The following FARP2 variants were observed in gnomAD, a reference collection of about 807,000 sequenced individuals.
FARP2 encodes FERM, ARH/RhoGEF and pleckstrin domain protein 2.
A neutral mutation model predicts 130.5 loss-of-function variants in FARP2; 111 were observed. The observed-to-expected ratio is 0.85, with a 90% confidence interval of 0.73 to 1.00. The LOEUF (loss-of-function observed/expected upper bound fraction) is 1.00. FARP2 is among the 50% of genes least tolerant of loss of function. The pLI is 0.00. For missense variants in FARP2, 1,385 were observed against 1,346.3 expected (o/e 1.03, Z -0.45); for synonymous variants, 504 against 516.9 (o/e 0.98, Z 0.34).
At chr2:241,464,328 C>A (rs1459819837) in intron 17 of FARP2, among the ~76,000 whole-genome samples, 1 of 151,410 alleles carries the variant, frequency 6.6e-6, no homozygotes, top group East Asian at 1.9e-4. Flanking sequence ...AGAGCAGGGT[C>A]CCCCCAGAGC....
intron 13 of FARP2, chr2:241,443,352 G>A (rs1180969927): frequency 6.6e-6 from 1 of 151,592 alleles, no homozygotes; most frequent in East Asian, 1.9e-4. Context: ...AGAGGCGTTG[G>A]TTTAAAATGC....
At chr2:241,489,383 A>T (rs562053715) in intron 21 of FARP2, 1 of 152,502 alleles carries the variant, frequency 6.6e-6, no homozygotes, top group South Asian at 2.1e-4. Flanking sequence ...CATTTTCAGC[A>T]TGTAGAGAAT....
chr2:241,465,443 A>G (rs1013574861), intron 17 of FARP2: 4 of 1,547,866 alleles, frequency 2.6e-6, no homozygotes, highest in Non-Finnish European at 3.5e-6. Flanking sequence ...TGCTAGGCTC[A>G]TAGGTTTTTC....
rs1192254249 is a variant in FARP2, at chr2:241,385,719, C to CAA, written c.183+12437_183+12438dup. On this transcript the variant is annotated intron_variant, in intron 2 of 26. Transcript: ENST00000264042. ...TGGGTGACAGAGCCAGACCTTGTCTCAAAAAAAAAGAGAAAAAAAAATTTT... is the reference window on the plus strand; with the variant it reads ...TGGGTGACAGAGCCAGACCTTGTCTCAAAAAAAAAAAGAGAAAAAAAAATTTT... Among the ~76,000 whole-genome samples, 3 of 148,990 alleles carry CAA rather than the reference C, an allele frequency of 2.0e-5. No homozygotes were observed. In the East Asian group the frequency reaches 5.9e-4, roughly 29 times the overall value.
At chr2:241,437,674 T>TTTATTTATTTATTTA (rs1373609619) in intron 12 of FARP2, among the ~76,000 whole-genome samples, 9 of 136,246 alleles carry the variant, frequency 6.6e-5, no homozygotes, top group South Asian at 2.5e-4. Flanking sequence ...TTATTTATTT[T>TTTATTTATTTATTTA]TTTTTTTTGA....
At chr2:241,470,192 G>C (rs569419976) in intron 18 of FARP2, among the ~76,000 whole-genome samples, 2 of 152,370 alleles carry the variant, frequency 1.3e-5, no homozygotes, top group Non-Finnish European at 2.9e-5. Context: ...GGACAAAAGG[G>C]AGTACATTTG....
intron 2 of FARP2, 43 bp downstream of exon 2, chr2:241,373,333 T>C: frequency 7.8e-7 from 1 of 1,280,844 alleles, no homozygotes; most frequent in Non-Finnish European, 1.0e-6. Context: ...TTATATCTTC[T>C]AACAGTCAAA....
chr2:241,476,137 C>A, intron 19 of FARP2, 150 bp downstream of exon 19: 3 of 607,470 alleles, frequency 4.9e-6, no homozygotes, highest in Non-Finnish European at 5.4e-6. Flanking sequence ...CTTTGGGAGG[C>A]TGAGGTGGGA....
rs374908420 is a variant in FARP2 at position 241,377,943 on chromosome 2, A to G, written c.183+4653A>G. Among the ~76,000 whole-genome samples the G allele has an allele frequency of 3.3e-4, 51 of 152,310 alleles. 1 individual carries two copies. The East Asian group carries it at 9.1e-3, about 27-fold the overall frequency. ...AAGGAACTGCCAGACTGTTTTCCAA[A>G]GTAGCTGTGCCATTTTGCATTCCTG... On this transcript the variant is annotated intron_variant, in intron 2 of 26. Transcript: ENST00000264042.
chr2:241,485,638 C>A (rs111209974), intron 21 of FARP2, among the ~76,000 whole-genome samples: 1,828 of 150,614 alleles, frequency 0.012, 31 homozygotes, highest in African/African-American at 0.04. Context: ...TCCCTGGAGT[C>A]CTCCCTCCCT....
chr2:241,407,650 A>C, intron 5 of FARP2, 35 bp downstream of exon 5: 2 of 1,522,540 alleles, frequency 1.3e-6, no homozygotes, highest in South Asian at 2.3e-5. Context: ...TGTTGTCAGC[A>C]GGAATCTTGT....
Position 241,367,633 on chromosome 2 carries a change from G to T in FARP2, c.-24-5451G>T, listed in dbSNP as rs559766561. Reference sequence around the variant, plus strand: ...CATATTCTGGTTTCTTGGGTTGGTCGTAGAGGAGTTTAGTTTTTTATTTTC... The same window carrying T: ...CATATTCTGGTTTCTTGGGTTGGTCTTAGAGGAGTTTAGTTTTTTATTTTC... On this transcript the variant is annotated intron_variant, in intron 1 of 26. Transcript: ENST00000264042. 8.5e-5 allele frequency among the ~76,000 whole-genome samples: 13 copies of T among 152,178 alleles called. No individual in the cohort carries two copies. In the East Asian group the frequency reaches 2.5e-3, roughly 29 times the overall value.
chr2:241,417,888 G>A (rs768971013), intron 7 of FARP2, 74 bp from the exon 8 acceptor site: 61 of 1,506,460 alleles, frequency 4.0e-5, no homozygotes, highest in Non-Finnish European at 5.1e-5. Flanking sequence ...TTTCCTGATC[G>A]CTTCTATAAT....
chr2:241,419,796 T>C (rs911802055), intron 8 of FARP2, among the ~76,000 whole-genome samples: 1 of 152,192 alleles, frequency 6.6e-6, no homozygotes, highest in Non-Finnish European at 1.5e-5. Context: ...TATCTTGTAA[T>C]TTTTTTATTT....
chr2:241,383,745 G>A (rs899665877), intron 2 of FARP2, among the ~76,000 whole-genome samples: 10 of 152,090 alleles, frequency 6.6e-5, no homozygotes, highest in African/African-American at 9.7e-5. Flanking sequence ...TGCTGATGTG[G>A]AGGATCAGAA....
chr2:241,397,644 G>A (rs958639767), intron 2 of FARP2, among the ~76,000 whole-genome samples: 6 of 151,894 alleles, frequency 4.0e-5, no homozygotes, highest in African/African-American at 7.3e-5. Context: ...ACATTTAGAC[G>A]AAAGGCTAGG....
At chr2:241,442,286 G>A (rs759694359) in intron 13 of FARP2, 41 of 456,580 alleles carry the variant, frequency 9.0e-5, no homozygotes, top group African/African-American at 7.0e-4. Context: ...TCTGAGTCCA[G>A]CTCGGCCTTC....
chr2:241,476,545 A>T (rs2064470590), intron 19 of FARP2, among the ~76,000 whole-genome samples: 1 of 151,930 alleles, frequency 6.6e-6, no homozygotes, highest in Non-Finnish European at 1.5e-5. Flanking sequence ...AAAAATTAGC[A>T]GGGCATGGTG....
chr2:241,432,306 AG>A (rs1430589000), intron 9 of FARP2: 1 of 152,418 alleles, frequency 6.6e-6, no homozygotes, highest in Non-Finnish European at 1.5e-5. Flanking sequence ...TACCTCCCCC[AG>A]GAACTTTGTC....
Sources: allele counts gnomAD v4.1 joint callset (sites outside exome capture counted in the v4.1 genomes callset), GRCh38; gene constraint gnomAD v4.1.1; transcripts MANE v1.5; gene names NCBI Gene and HGNC (gene_info 2026-07-23, HGNC 2026-07-21).